Variants in DEFB110 observed in about 807,000 individuals in gnomAD.
The protein encoded by DEFB110 is defensin beta 110, also known as beta-defensin 110.
Under a neutral mutation model 2.5 loss-of-function variants are expected in DEFB110, and 4 were observed. The observed-to-expected ratio is 1.60, with a 90% CI of 0.79 to 3.66. DEFB110 has a LOEUF of 3.66. Ranked by LOEUF, DEFB110 falls within the 30% of genes most tolerant of loss-of-function variation. The pLI, the probability that DEFB110 is intolerant of heterozygous loss-of-function variation, is 0.01. For synonymous variants in DEFB110, 29 were observed against 21.8 expected (o/e 1.33, Z -0.92); for missense variants, 94 against 75.4 (o/e 1.25, Z -0.91).
chr6:50,014,079 A>G (rs912491069), downstream of DEFB110, among the ~76,000 whole-genome samples: 1 of 151,882 alleles, frequency 6.6e-6, no homozygotes, highest in African/African-American at 2.4e-5. Flanking sequence ...TAAGAGGAAA[A>G]GGGATTCAGA....
chr6:50,015,761 T>C (rs941386066), downstream of DEFB110, among the ~76,000 whole-genome samples: 1 of 151,854 alleles, frequency 6.6e-6, no homozygotes, highest in Non-Finnish European at 1.5e-5. Context: ...TTTTTATGTG[T>C]CCCAGTTATA....
At chr6:50,012,534 A>G (rs1488325958) in intron 1 of DEFB110, among the ~76,000 whole-genome samples, 1 of 151,940 alleles carries the variant, frequency 6.6e-6, no homozygotes, top group Non-Finnish European at 1.5e-5. Context: ...AGTTTCCTTA[A>G]GTGAAAAATG....
intron 1 of DEFB110, among the ~76,000 whole-genome samples, chr6:50,011,245 T>A (rs1774223759): frequency 6.6e-6 from 1 of 151,888 alleles, no homozygotes; most frequent in Non-Finnish European, 1.5e-5. Context: ...TATACAAATG[T>A]CATCCATAAG....
At chr6:50,016,435 GT>G (rs1309902190), downstream of DEFB110, among the ~76,000 whole-genome samples, 1 of 151,660 alleles carries the variant, frequency 6.6e-6, no homozygotes, top group East Asian at 1.9e-4. Flanking sequence ...TAAAACTTAA[GT>G]TTTTTAGAAC....
chr6:50,015,128 C>G (rs1370107778), downstream of DEFB110, among the ~76,000 whole-genome samples: 1 of 151,758 alleles, frequency 6.6e-6, no homozygotes, highest in Non-Finnish European at 1.5e-5. Flanking sequence ...TTATTGACCC[C>G]TCTGTCTGCC....
At chr6:50,019,681 G>GA (rs375090492) in intron 1 of DEFB110, among the ~76,000 whole-genome samples, 9 of 149,236 alleles carry the variant, frequency 6.0e-5, no homozygotes, top group East Asian at 5.8e-4. Flanking sequence ...CATTGATAAA[G>GA]AAAAAAAAAG....
chr6:50,011,921 T>G (rs1242419999), intron 1 of DEFB110, among the ~76,000 whole-genome samples: 1 of 152,078 alleles, frequency 6.6e-6, no homozygotes, highest in East Asian at 1.9e-4. Flanking sequence ...CAGATAGAAT[T>G]AAGTTTCATG....
At chr6:50,017,713 A>G (rs1774340358), downstream of DEFB110, among the ~76,000 whole-genome samples, 1 of 151,950 alleles carries the variant, frequency 6.6e-6, no homozygotes, top group Non-Finnish European at 1.5e-5. Context: ...TGGAGAAAAA[A>G]AAATTTCCCC....
intron 1 of DEFB110, among the ~76,000 whole-genome samples, chr6:50,009,984 C>G (rs976185131): frequency 2.0e-5 from 3 of 151,936 alleles, no homozygotes; most frequent in African/African-American, 7.2e-5. Flanking sequence ...TATTTTGTTA[C>G]TTTAAAGTTT....
At chr6:50,021,026 T>C (rs1024755083) in intron 1 of DEFB110, among the ~76,000 whole-genome samples, 2 of 152,108 alleles carry the variant, frequency 1.3e-5, no homozygotes, top group Non-Finnish European at 2.9e-5. Flanking sequence ...TCTAAAACAT[T>C]ATTGTCTTCT....
chr6:50,021,963 C>T lies in DEFB110; in HGVS notation c.-28G>A. On this transcript the variant is annotated 5_prime_UTR_variant, in exon 1 of 2. Coordinates refer to ENST00000371148, the MANE Select transcript of DEFB110 (RefSeq NM_001037497.2). ...TAGAGAGTTTCTTAAAAAAAGGGGGCAACAGACCTCCTTTTTCAAGTCAGT... is the reference window on the plus strand; with the variant it reads ...TAGAGAGTTTCTTAAAAAAAGGGGGTAACAGACCTCCTTTTTCAAGTCAGT... The T allele has an allele frequency of 6.6e-7, 1 of 1,512,592 alleles. No homozygotes were observed. Among genetic ancestry groups the T allele is most frequent in the East Asian group, 2.5e-5 (1 of 40,522 alleles). The allele number at this position is 1,512,592 out of a possible 1,614,324, so 93.7% of individuals were successfully genotyped here.
intron 1 of DEFB110, among the ~76,000 whole-genome samples, chr6:50,013,235 T>C (rs1774262546): frequency 6.6e-6 from 1 of 151,842 alleles, no homozygotes; most frequent in Non-Finnish European, 1.5e-5. Context: ...AAGCAATATA[T>C]ATGCTTCATT....
chr6:50,021,808 AT>A lies in DEFB110; in HGVS notation c.55+72del, dbSNP rs563120596. 6.6e-3 allele frequency: 9,108 copies of A among 1,389,922 alleles called. 40 individuals carry two copies. The highest frequency in any genetic ancestry group is 9.8e-3 in the South Asian group (706 of 72,142). The allele number at this position is 1,389,922 out of a possible 1,614,324, so 86.1% of individuals were successfully genotyped here. A position where few individuals can be genotyped will look rare whatever the true frequency, so the allele number is the denominator to read the frequency against. On this transcript the variant is annotated intron_variant, in intron 1 of 1. Transcript: ENST00000371148. ...GTTTTAATCCCTATGTTATTATCAT[AT>A]TTTTTATCAAGAAACAACTTATGTC...
chr6:50,018,683 C>A (rs1774359964), downstream of DEFB110, among the ~76,000 whole-genome samples: 1 of 151,960 alleles, frequency 6.6e-6, no homozygotes, highest in Non-Finnish European at 1.5e-5. Context: ...CTTATGGCAA[C>A]TAACACAAGG....
At chr6:50,016,019 A>C (rs143041198), downstream of DEFB110, among the ~76,000 whole-genome samples, 143 of 151,898 alleles carry the variant, frequency 9.4e-4, no homozygotes, top group African/African-American at 3.2e-3. Flanking sequence ...TTCAATCTCC[A>C]AATCCAAAAC....
chr6:50,011,632 G>A lies in DEFB110; in HGVS notation c.56-2361C>T, dbSNP rs112721333. Among the ~76,000 whole-genome samples, 359 of 152,028 alleles carry A rather than the reference G, an allele frequency of 2.4e-3. 3 individuals carry two copies. The highest frequency in any genetic ancestry group is 6.2e-3 in the African/African-American group (259 of 41,504). On this transcript the variant is annotated intron_variant, in intron 1 of 1. Coordinates refer to the DEFB110 transcript ENST00000393660. The stretch of plus-strand genomic sequence containing the variant: ...TGACTCAATGTTAGTTTTTCCAAAT[G>A]GTATGCGGAGTTTTTCACTCTCCCA...
chr6:50,010,180 AATGTTGTT>A (rs1270424883), intron 1 of DEFB110, among the ~76,000 whole-genome samples: 1 of 151,976 alleles, frequency 6.6e-6, no homozygotes, highest in Admixed American at 6.6e-5. Flanking sequence ...TTGAGTATTA[AATGTTGTT>A]ATGTGTGCAT....
downstream of DEFB110, among the ~76,000 whole-genome samples, chr6:50,016,244 A>G (rs1438215089): frequency 2.0e-5 from 3 of 151,836 alleles, no homozygotes; most frequent in African/African-American, 7.2e-5. Flanking sequence ...TCTAATTTCA[A>G]TATAATGCTT....
intron 1 of DEFB110, among the ~76,000 whole-genome samples, chr6:50,012,576 A>C (rs1387019507): frequency 6.6e-6 from 1 of 151,960 alleles, no homozygotes; most frequent in Non-Finnish European, 1.5e-5. Context: ...GTTGTGTGGC[A>C]ATCAAATGAG....
Sources: gnomAD v4.1 joint callset for allele counts (sites outside exome capture counted in the v4.1 genomes callset) on GRCh38, gnomAD v4.1.1 for gene constraint, MANE v1.5 for transcripts, NCBI Gene and HGNC (gene_info 2026-07-23, HGNC 2026-07-21) for gene names.